Variants in NME8 observed in about 807,000 individuals in gnomAD.
The protein encoded by NME8 is NME/NM23 family member 8.
Under a neutral mutation model 82.3 loss-of-function variants are expected in NME8, and 72 were observed. The ratio of observed to expected loss-of-function variants is 0.87; its 90% CI spans 0.72 to 1.06. The LOEUF (loss-of-function observed/expected upper bound fraction) is 1.06, where lower values mean the gene tolerates loss of function less well. Among genes scored for constraint, NME8 ranks in the 50% least tolerant of loss-of-function variants. NME8 has a pLI of 0.00. For missense variants in NME8, 712 were observed against 685.4 expected, an observed-to-expected ratio of 1.04 and a Z score of -0.43; for synonymous variants, 267 against 228.5, an observed-to-expected ratio of 1.17 and a Z score of -1.52.
At chr7:37,882,590 AGAAAGAAAGAGAGAGAGAGAGAG>A (rs1784970170) in intron 12 of NME8, among the ~76,000 whole-genome samples, 1 of 52,902 alleles carries the variant, frequency 1.9e-5, no homozygotes, top group Non-Finnish European at 3.8e-5. Context: ...AAAGAAAGAA[AGAAAGAAAGAGAGAGAGAGAGAG>A]AGAAAGAAAG....
chr7:37,882,597 A>AAGAAAGAAAG (rs1554365622), intron 12 of NME8, among the ~76,000 whole-genome samples: 1,464 of 82,804 alleles, frequency 0.018, 14 homozygotes, highest in South Asian at 0.041. Context: ...GAAAGAAAGA[A>AAGAAAGAAAG]AGAGAGAGAG....
chr7:37,850,200 T>C, intron 2 of NME8, 60 bp from the exon 3 acceptor site: 1 of 1,365,850 alleles, frequency 7.3e-7, no homozygotes, highest in South Asian at 1.2e-5. Context: ...TTTGCATGCA[T>C]AAAGAAAATG....
chr7:37,857,830 T>C (rs1314489658), intron 6 of NME8, among the ~76,000 whole-genome samples: 1 of 152,188 alleles, frequency 6.6e-6, no homozygotes, highest in Non-Finnish European at 1.5e-5. Flanking sequence ...GAGGAACAGG[T>C]GACTAATTTA....
chr7:37,882,617 A>G (rs60578260), intron 12 of NME8, among the ~76,000 whole-genome samples: 2,667 of 41,864 alleles, frequency 0.064, 52 homozygotes, highest in African/African-American at 0.088. Context: ...GAGAGAGAGA[A>G]AGAAAGAAAG....
Position 37,877,023 on chromosome 7 carries a change from T to A in NME8, c.994+16T>A, listed in dbSNP as rs1213080187. ...GAAAGGAAAGGTAGGGAATCAAGCA[T>A]AAATTGTTTAAGTATTTTATATAGA... On this transcript the variant is annotated intron_variant, in intron 12 of 17. Coordinates refer to ENST00000199447, the MANE Select transcript of NME8 (RefSeq NM_016616.5). The A allele has an allele frequency of 6.3e-7, 1 of 1,598,046 alleles. No homozygotes were observed. Among genetic ancestry groups the A allele is most frequent in the Non-Finnish European group, 8.6e-7 (1 of 1,166,184 alleles).
chr7:37,870,436 A>G (rs1337480821), intron 11 of NME8, among the ~76,000 whole-genome samples: 2 of 151,754 alleles, frequency 1.3e-5, no homozygotes, highest in Non-Finnish European at 2.9e-5. Context: ...TAAAAACACA[A>G]AAATTAGCTG....
chr7:37,858,801 G>C lies in NME8; in HGVS notation c.270+1456G>C, dbSNP rs371543167. Among the ~76,000 whole-genome samples the C allele has an allele frequency of 5.8e-4, 88 of 152,318 alleles. No homozygotes were observed. In the South Asian group the frequency reaches 7.2e-3, roughly 13 times the overall value. On this transcript the variant is annotated intron_variant, in intron 6 of 17. Coordinates refer to ENST00000199447, the MANE Select transcript of NME8 (RefSeq NM_016616.5). ...TTTCCTCCAAATCTCATGCAGAAAT[G>C]TGACCTCCAGTGTTGGAGGTGGGGC... is the stretch of plus-strand genomic sequence containing the variant.
At chr7:37,870,081 C>G (rs1440354055) in intron 11 of NME8, among the ~76,000 whole-genome samples, 1 of 152,096 alleles carries the variant, frequency 6.6e-6, no homozygotes, top group African/African-American at 2.4e-5. Context: ...TCATCCTTTA[C>G]TGTCCTTCAA....
At chr7:37,886,754 C>T (rs1228851725) in intron 14 of NME8, among the ~76,000 whole-genome samples, 2 of 152,038 alleles carry the variant, frequency 1.3e-5, no homozygotes, top group Admixed American at 6.6e-5. Flanking sequence ...TTGTCCAAAT[C>T]CCTAACCCCT....
At chr7:37,893,457 T>G (rs10488616) in intron 15 of NME8, among the ~76,000 whole-genome samples, 43,229 of 152,052 alleles carry the variant, frequency 0.28, 6,674 homozygotes, top group East Asian at 0.36. Flanking sequence ...ATAATCCTTC[T>G]TCTACTTACT....
At chr7:37,859,878 C>A (rs371546258) in intron 6 of NME8, among the ~76,000 whole-genome samples, 1 of 152,152 alleles carries the variant, frequency 6.6e-6, no homozygotes, top group Admixed American at 6.6e-5. Flanking sequence ...CTGCCCATTG[C>A]TCCACATCCA....
chr7:37,890,356 T>C (rs190562202), intron 15 of NME8, among the ~76,000 whole-genome samples: 5 of 152,138 alleles, frequency 3.3e-5, no homozygotes, highest in Admixed American at 2.0e-4. Flanking sequence ...TACATTATGA[T>C]GTTTTGATAC....
At chr7:37,876,231 TAGATAGATAGATAG>T (rs753814808) in intron 11 of NME8, among the ~76,000 whole-genome samples, 1 of 77,496 alleles carries the variant, frequency 1.3e-5, no homozygotes, top group South Asian at 4.7e-4. Flanking sequence ...TATATATATA[TAGATAGATAGATAG>T]ATAGATAGAT....
At chr7:37,893,842 C>T (rs1308694718) in intron 15 of NME8, among the ~76,000 whole-genome samples, 1 of 152,140 alleles carries the variant, frequency 6.6e-6, no homozygotes, top group East Asian at 1.9e-4. Flanking sequence ...CACCTCCCTT[C>T]CAGCAGGAGA....
rs979846778 is a variant in NME8, at chr7:37,863,377, T to C, written c.388-19T>C. The C allele has an allele frequency of 6.8e-7, 1 of 1,467,834 alleles. No homozygotes were observed. Among genetic ancestry groups the C allele is most frequent in the Non-Finnish European group, 9.5e-7 (1 of 1,047,276 alleles). The allele number at this position is 1,467,834 out of a possible 1,614,324, so 90.9% of individuals were successfully genotyped here. A position where few individuals can be genotyped will look rare whatever the true frequency, so the allele number is the denominator to read the frequency against. Reference sequence around the variant, plus strand: ...AAAACATAACTGTGTTATCTTTGCATTGCATTTCTTTTTCATAGTATCCTG... The same window carrying C: ...AAAACATAACTGTGTTATCTTTGCACTGCATTTCTTTTTCATAGTATCCTG... On this transcript the variant is annotated intron_variant, in intron 7 of 17. Transcript: ENST00000199447.
intron 11 of NME8, among the ~76,000 whole-genome samples, chr7:37,873,958 G>A (rs1254499325): frequency 2.0e-5 from 3 of 152,148 alleles, no homozygotes; most frequent in East Asian, 3.9e-4. Flanking sequence ...TTACTTACAA[G>A]GGAAAAATAC....
Sources: allele counts gnomAD v4.1 joint callset (sites outside exome capture counted in the v4.1 genomes callset), GRCh38; gene constraint gnomAD v4.1.1; transcripts MANE v1.5; gene names NCBI Gene and HGNC (gene_info 2026-07-23, HGNC 2026-07-21).